The following SPA17 variants were observed in gnomAD, a reference collection of about 807,000 sequenced individuals.
The protein encoded by SPA17 is sperm autoantigenic protein 17, also known as sperm surface protein Sp17.
SPA17 carries 7 observed loss-of-function variants against 13.8 expected under a neutral mutation model. That is an observed-to-expected ratio of 0.51 (90% confidence interval 0.29 to 0.95). The LOEUF is 0.95. SPA17 is among the 40% of genes least tolerant of loss of function. The pLI is 0.08. For missense variants in SPA17, 170 were observed against 179.3 expected (o/e 0.95, Z 0.30); for synonymous variants, 61 against 59.0 (o/e 1.03, Z -0.16).
At chr11:124,686,290 G>A (rs774123251) in intron 3 of SPA17, among the ~76,000 whole-genome samples, 33 of 152,088 alleles carry the variant, frequency 2.2e-4, no homozygotes, top group Admixed American at 3.3e-4. Context: ...TTGATTGTAA[G>A]TTTCCTGAGG....
chr11:124,680,033 C>T (rs1165870114), intron 2 of SPA17, among the ~76,000 whole-genome samples: 1 of 152,072 alleles, frequency 6.6e-6, no homozygotes, highest in African/African-American at 2.4e-5. Flanking sequence ...AGAACTAAAC[C>T]TTTAACCTTT....
intron 3 of SPA17, among the ~76,000 whole-genome samples, chr11:124,682,901 CAA>C (rs112659312): frequency 5.5e-4 from 51 of 92,116 alleles, no homozygotes; most frequent in East Asian, 9.5e-4. Context: ...AAATACAATG[CAA>C]AAAAAAAAAA....
In SPA17 at chr11:124,675,338, G is replaced by C. The variant is rs144340747; in HGVS notation, c.74G>C (p.Arg25Pro). 6.2e-7 allele frequency: 1 copy of C among 1,614,040 alleles called. No individual in the cohort carries two copies. Among genetic ancestry groups the C allele is most frequent in the Non-Finnish European group, 8.5e-7 (1 of 1,180,044 alleles). The change falls in exon 2 of 5, where the codon CGC (arginine) becomes CCC (proline). Residue 25 changes from arginine to proline, a missense_variant. Arg to Pro is a moderately radical substitution (Grantham distance 103). Coordinates refer to ENST00000227135, the MANE Select transcript of SPA17 (RefSeq NM_017425.4). ...GFGNLLEGLT[R>P]EILREQPDNI... The stretch of plus-strand genomic sequence containing the variant: ...GGGAATCTTCTTGAAGGGCTGACAC[G>C]CGAGATTCTGAGAGAGCAACCGGAC...
At chr11:124,677,989 T>C (rs1476496630) in intron 2 of SPA17, among the ~76,000 whole-genome samples, 2 of 152,238 alleles carry the variant, frequency 1.3e-5, no homozygotes, top group African/African-American at 4.8e-5. Context: ...CTGTAGGCTG[T>C]GGGATAATAA....
intron 2 of SPA17, among the ~76,000 whole-genome samples, chr11:124,676,869 C>T (rs982864185): frequency 1.3e-5 from 2 of 152,098 alleles, no homozygotes; most frequent in African/African-American, 4.8e-5. Flanking sequence ...AACAAATCTG[C>T]ACGTGTATCC....
rs1421227395 is a variant in SPA17, at chr11:124,696,574, A to G, written c.*2128A>G. ...GAGCAATGGATGTGATATTATGAGA[A>G]CAACACATATGAATGACACTTTATT... On this transcript the variant is annotated 3_prime_UTR_variant, in exon 5 of 5. Transcript: ENST00000227135. The G allele has an allele frequency of 6.6e-6, 1 of 152,194 alleles. No homozygotes were observed. The highest frequency in any genetic ancestry group is 1.5e-5 in the Non-Finnish European group (1 of 68,050). The allele number at this position is 152,194 out of a possible 1,614,324, so 9.4% of individuals were successfully genotyped here. A position where few individuals can be genotyped will look rare whatever the true frequency, so the allele number is the denominator to read the frequency against.
At chr11:124,691,041 GTTTC>G (rs1465754540) in intron 3 of SPA17, among the ~76,000 whole-genome samples, 2 of 151,942 alleles carry the variant, frequency 1.3e-5, no homozygotes, top group East Asian at 1.9e-4. Flanking sequence ...ATTTTGGGGT[GTTTC>G]TTTTTTTAAT....
chr11:124,695,279 A>C lies in SPA17; in HGVS notation c.*833A>C, dbSNP rs1468173371. ...ACACTCATACAACTTACAATGCTTT[A>C]TTGTTTTGCTCTCCAGAACCACACA... On this transcript the variant is annotated 3_prime_UTR_variant, in exon 5 of 5. Coordinates refer to ENST00000227135, the MANE Select transcript of SPA17 (RefSeq NM_017425.4). 1 of 152,228 alleles carries C rather than the reference A, an allele frequency of 6.6e-6. No homozygotes were observed. Among genetic ancestry groups the C allele is most frequent in the African/African-American group, 2.4e-5 (1 of 41,448 alleles). 9.4% of individuals were successfully genotyped at this position (152,228 alleles called of 1,614,324 possible).
rs1017433398 is a variant in SPA17, at chr11:124,696,843, T to A, written c.*2397T>A. ...TCTATATTCAACTGCCTACATAACA[T>A]CCCCATTTGGATGTCTATAGGCATC... On this transcript the variant is annotated 3_prime_UTR_variant, in exon 5 of 5. Coordinates refer to ENST00000227135, the MANE Select transcript of SPA17 (RefSeq NM_017425.4). 3.3e-5 allele frequency: 5 copies of A among 152,228 alleles called. No individual in the cohort carries two copies. The highest frequency in any genetic ancestry group is 3.4e-3 in the Middle Eastern group (1 of 294). 9.4% of individuals were successfully genotyped at this position (152,228 alleles called of 1,614,324 possible).
intron 3 of SPA17, among the ~76,000 whole-genome samples, chr11:124,686,786 A>G (rs113876612): frequency 7.3e-4 from 111 of 152,350 alleles, no homozygotes; most frequent in African/African-American, 2.5e-3. Context: ...AACCTATGGT[A>G]TACAGAAAAA....
At chr11:124,675,491 A>G in intron 2 of SPA17, 73 bp downstream of exon 2, 1 of 1,527,844 alleles carries the variant, frequency 6.5e-7, no homozygotes, top group Non-Finnish European at 8.9e-7. Flanking sequence ...CTTGCTTAAG[A>G]CCATCTCCAT....
chr11:124,688,152 T>G lies in SPA17; in HGVS notation c.226-3544T>G, dbSNP rs1943593090. 1.3e-5 allele frequency among the ~76,000 whole-genome samples: 2 copies of G among 152,208 alleles called. 1 individual carries two copies. Among genetic ancestry groups the G allele is most frequent in the East Asian group, 3.8e-4 (2 of 5,196 alleles). ...TCTTATCCTCCCAAGTTGCTAGGAC[T>G]ACAAACATGTGCCACCACACTGAAT... On this transcript the variant is annotated intron_variant, in intron 3 of 4. Transcript: ENST00000227135.
At chr11:124,692,145 T>C (rs1276228773) in intron 4 of SPA17, among the ~76,000 whole-genome samples, 2 of 152,150 alleles carry the variant, frequency 1.3e-5, no homozygotes, top group East Asian at 3.8e-4. Flanking sequence ...CAATGGCAAA[T>C]TTCAGAGATA....
rs1943448775 is a variant in SPA17 at position 124,675,367 on chromosome 11, A to G, written c.103A>G (p.Ile35Val). The G allele has an allele frequency of 6.2e-7, 1 of 1,614,112 alleles. No homozygotes were observed. Among genetic ancestry groups the G allele is most frequent in the Non-Finnish European group, 8.5e-7 (1 of 1,180,056 alleles). ...REILREQPDN[I>V]PAFAAAYFES... ...GATTCTGAGAGAGCAACCGGACAAT[A>G]TACCAGCTTTTGCAGCAGCCTATTT... Residue 35 changes from isoleucine to valine, a missense_variant, in exon 2 of 5, where the codon ATA becomes GTA. Coordinates refer to ENST00000227135, the MANE Select transcript of SPA17 (RefSeq NM_017425.4).
intron 3 of SPA17, among the ~76,000 whole-genome samples, chr11:124,690,840 T>C (rs565319197): frequency 8.5e-5 from 13 of 152,324 alleles, no homozygotes; most frequent in East Asian, 3.9e-4. Flanking sequence ...GGGGAATTTC[T>C]TGAAGAAGGA....
In SPA17 at chr11:124,697,056, G is replaced by A. The variant is rs1046408072; in HGVS notation, c.*2610G>A. 3.3e-5 allele frequency: 5 copies of A among 152,046 alleles called. No individual in the cohort carries two copies. The highest frequency in any genetic ancestry group is 1.2e-4 in the African/African-American group (5 of 41,360). 9.4% of individuals were successfully genotyped at this position (152,046 alleles called of 1,614,324 possible). A position where few individuals can be genotyped will look rare whatever the true frequency, so the allele number is the denominator to read the frequency against. ...TATACAATCTATCAGCAAAACCTGT[G>A]GGCTGTACCTATAAAATAATACTCA... On this transcript the variant is annotated 3_prime_UTR_variant, in exon 5 of 5. Transcript: ENST00000227135.
At chr11:124,681,566 CAA>C in intron 3 of SPA17, 107 bp downstream of exon 3, 1 of 528,436 alleles carries the variant, frequency 1.9e-6, no homozygotes, top group Non-Finnish European at 3.0e-6. Flanking sequence ...GGAGGCATCA[CAA>C]ATAACTTATT....
At chr11:124,677,638 G>T (rs535755856) in intron 2 of SPA17, among the ~76,000 whole-genome samples, 1 of 152,084 alleles carries the variant, frequency 6.6e-6, no homozygotes, top group Admixed American at 6.5e-5. Context: ...AGAAAAGATT[G>T]TTATAAATTG....
chr11:124,684,981 G>A (rs186399865), intron 3 of SPA17, among the ~76,000 whole-genome samples: 1 of 152,234 alleles, frequency 6.6e-6, no homozygotes, highest in Non-Finnish European at 1.5e-5. Flanking sequence ...AAAATTTGCA[G>A]CCTGATGACA....
Sources: gnomAD v4.1 joint callset for allele counts (sites outside exome capture counted in the v4.1 genomes callset) on GRCh38, gnomAD v4.1.1 for gene constraint, MANE v1.5 for transcripts, NCBI Gene and HGNC (gene_info 2026-07-23, HGNC 2026-07-21) for gene names.